The following CPEB4 variants were observed in gnomAD, a reference collection of about 807,000 sequenced individuals.
CPEB4 encodes the protein cytoplasmic polyadenylation element-binding protein 4.
In CPEB4, 12 loss-of-function variants were observed where a neutral mutation model predicts 72.5. The observed-to-expected ratio is 0.17, with a 90% CI of 0.11 to 0.27. The LOEUF (loss-of-function observed/expected upper bound fraction) is 0.27, where lower values mean the gene tolerates loss of function less well. Ranked by LOEUF, CPEB4 falls within the 10% of genes least tolerant of loss-of-function variation. The pLI is 1.00. For missense variants in CPEB4, 614 were observed against 908.5 expected (o/e 0.68, Z 4.17); for synonymous variants, 302 against 326.3 (o/e 0.93, Z 0.80).
At chr5:173,932,405 T>C (rs1318363557) in intron 2 of CPEB4, 45 bp from the exon 3 acceptor site, 1 of 1,500,980 alleles carries the variant, frequency 6.7e-7, no homozygotes, top group South Asian at 1.1e-5. Flanking sequence ...GTTTAAACCA[T>C]CTATGAAAAA....
Position 173,949,530 on chromosome 5 carries a change from T to G in CPEB4, c.1479T>G (p.Arg493=). ...TAGATGAGATCACAGCTAGTTTTCG[T>G]CGCTTTGGCCCTCTGATTGTGGATT... is the stretch of plus-strand genomic sequence containing the variant. ...IDEDEITASF[R]RFGPLIVDWP... Residue 493 remains arginine, a synonymous_variant, in exon 6 of 10, where the codon CGT becomes CGG. Transcript: ENST00000265085. 1 of 1,613,406 alleles carries G rather than the reference T, an allele frequency of 6.2e-7. No individual in the cohort carries two copies. The highest frequency in any genetic ancestry group is 8.5e-7 in the Non-Finnish European group (1 of 1,179,500).
At chr5:173,952,917 A>T (rs1304374291) in intron 8 of CPEB4, among the ~76,000 whole-genome samples, 174 bp from the exon 9 acceptor site, 1 of 152,216 alleles carries the variant, frequency 6.6e-6, no homozygotes, top group Non-Finnish European at 1.5e-5. Flanking sequence ...CTTGCCCACA[A>T]TTAAAAGATT....
intron 2 of CPEB4, among the ~76,000 whole-genome samples, chr5:173,919,575 A>G (rs359417): frequency 0.11 from 17,404 of 152,246 alleles, 1,160 homozygotes; most frequent in Middle Eastern, 0.21. Flanking sequence ...TGGCAGCTAC[A>G]AAAACAGCCC....
At chr5:173,892,029 C>T (rs1755831510) in intron 1 of CPEB4, among the ~76,000 whole-genome samples, 1 of 151,442 alleles carries the variant, frequency 6.6e-6, no homozygotes, top group African/African-American at 2.4e-5. Flanking sequence ...TGTGCACGTA[C>T]ACATGTGCTA....
intron 1 of CPEB4, among the ~76,000 whole-genome samples, chr5:173,896,190 G>A (rs902559120): frequency 6.6e-6 from 1 of 152,068 alleles, no homozygotes; most frequent in African/African-American, 2.4e-5. Context: ...TCAGTTTTTG[G>A]TCTCATCTCA....
chr5:173,898,269 T>C (rs1186233115), intron 1 of CPEB4, among the ~76,000 whole-genome samples: 1 of 152,212 alleles, frequency 6.6e-6, no homozygotes, highest in African/African-American at 2.4e-5. Context: ...AATAGGATCA[T>C]GGTACTAGTC....
In CPEB4 at chr5:173,950,264, A is replaced by G. The variant is rs1214166164; in HGVS notation, c.1665+186A>G. On this transcript the variant is annotated intron_variant, in intron 7 of 9. Coordinates refer to ENST00000265085, the MANE Select transcript of CPEB4 (RefSeq NM_030627.4). The surrounding 1 kb of genome is among the most constrained non-coding windows in gnomAD (Gnocchi z 5.0). The stretch of plus-strand genomic sequence containing the variant: ...GTGTATTTGCACATCTCAATTTGAC[A>G]TCGAATTTTTGGTTAGTTGAAATAT... Among the ~76,000 whole-genome samples the G allele has an allele frequency of 6.6e-6, 1 of 152,222 alleles. No individual in the cohort carries two copies. Among genetic ancestry groups the G allele is most frequent in the Non-Finnish European group, 1.5e-5 (1 of 68,046 alleles).
intron 2 of CPEB4, among the ~76,000 whole-genome samples, chr5:173,920,781 G>A (rs995011656): frequency 6.6e-6 from 1 of 152,154 alleles, no homozygotes; most frequent in African/African-American, 2.4e-5. Flanking sequence ...ACTGAAAGTA[G>A]CCCATGAATA....
In CPEB4 at chr5:173,888,725, G is replaced by A. The variant is rs1422660000; in HGVS notation, c.-1009G>A. 1 of 390,414 alleles carries A rather than the reference G, an allele frequency of 2.6e-6. No individual in the cohort carries two copies. The highest frequency in any genetic ancestry group is 4.5e-5 in the Admixed American group (1 of 22,432). 24.2% of individuals were successfully genotyped at this position (390,414 alleles called of 1,614,324 possible). A position where few individuals can be genotyped will look rare whatever the true frequency, so the allele number is the denominator to read the frequency against. The stretch of plus-strand genomic sequence containing the variant: ...TTCCCTCTCTGCGGAGAATCGAACT[G>A]AGGGAACTGAACAAACCGCCCCTGG... On this transcript the variant is annotated 5_prime_UTR_variant, in exon 1 of 10. Transcript: ENST00000265085. The surrounding 1 kb of genome is among the most constrained non-coding windows in gnomAD (Gnocchi z 4.3).
At chr5:173,952,233 C>T (rs542774823) in intron 8 of CPEB4, among the ~76,000 whole-genome samples, 69 of 152,248 alleles carry the variant, frequency 4.5e-4, no homozygotes, top group South Asian at 1.2e-3. Flanking sequence ...TTGAATTAGA[C>T]GACCAGTGCA....
chr5:173,935,081 A>G (rs536829040), intron 3 of CPEB4, among the ~76,000 whole-genome samples: 1 of 152,238 alleles, frequency 6.6e-6, no homozygotes, highest in African/African-American at 2.4e-5. Flanking sequence ...CAATGTGTGT[A>G]AATCACTTAG....
At chr5:173,921,579 T>C (rs1238351846) in intron 2 of CPEB4, among the ~76,000 whole-genome samples, 2 of 152,154 alleles carry the variant, frequency 1.3e-5, no homozygotes, top group Non-Finnish European at 2.9e-5. Context: ...CTGCTGAGGC[T>C]ACATCCTGCA....
At chr5:173,897,027 G>A (rs1756040049) in intron 1 of CPEB4, among the ~76,000 whole-genome samples, 1 of 152,152 alleles carries the variant, frequency 6.6e-6, no homozygotes, top group Non-Finnish European at 1.5e-5. Flanking sequence ...TTCTTATATT[G>A]AATAAAGTTA....
chr5:173,899,896 C>T (rs1396348324), intron 1 of CPEB4, among the ~76,000 whole-genome samples: 2 of 152,028 alleles, frequency 1.3e-5, no homozygotes, highest in Non-Finnish European at 2.9e-5. Flanking sequence ...TACTTCTGCT[C>T]CTGAAGTGCA....
intron 4 of CPEB4, 114 bp from the exon 5 acceptor site, chr5:173,944,853 G>A (rs1757962181): frequency 1.1e-6 from 1 of 881,918 alleles, no homozygotes; most frequent in African/African-American, 1.7e-5. Flanking sequence ...ATTATTCAGT[G>A]AGAAAAATAA....
At chr5:173,890,995 T>G (rs1171144117) in intron 1 of CPEB4, 137 bp downstream of exon 1, 1 of 844,424 alleles carries the variant, frequency 1.2e-6, no homozygotes, top group Non-Finnish European at 1.8e-6. Context: ...AACCAGACTT[T>G]ATTTTAGCAG....
intron 1 of CPEB4, among the ~76,000 whole-genome samples, chr5:173,893,871 C>T (rs1401248812): frequency 6.6e-6 from 1 of 152,164 alleles, no homozygotes. Context: ...CCCCCAATAA[C>T]TGATAGGGGA....
At chr5:173,904,972 G>GATAATAATAATA (rs370259283) in intron 1 of CPEB4, among the ~76,000 whole-genome samples, 8 of 125,240 alleles carry the variant, frequency 6.4e-5, no homozygotes, top group East Asian at 4.3e-4. Flanking sequence ...CCCTGTCTCA[G>GATAATAATAATA]ATAATAATAA....
chr5:173,954,867 GCT>G (rs1180416428), intron 9 of CPEB4, among the ~76,000 whole-genome samples: 3 of 152,166 alleles, frequency 2.0e-5, no homozygotes, highest in African/African-American at 7.2e-5. Flanking sequence ...GAAGCCCAGT[GCT>G]CTCCTTATGC....
Sources: allele counts gnomAD v4.1 joint callset (sites outside exome capture counted in the v4.1 genomes callset), GRCh38; gene constraint gnomAD v4.1.1; non-coding constraint Gnocchi (gnomAD v3.1); transcripts MANE v1.5; gene names NCBI Gene and HGNC (gene_info 2026-07-23, HGNC 2026-07-21).